Variants in CA4 observed in about 807,000 individuals in gnomAD.
CA4 encodes CA-IV.
In CA4, 24 loss-of-function variants were observed where a neutral mutation model predicts 34.5. The observed-to-expected ratio is 0.70, with a 90% CI of 0.50 to 0.98. The LOEUF (loss-of-function observed/expected upper bound fraction) is 0.98, where lower values mean the gene tolerates loss of function less well. Among genes scored for constraint, CA4 ranks in the 50% least tolerant of loss-of-function variants. CA4 has a pLI of 0.00. For synonymous variants in CA4, 178 were observed against 170.6 expected (o/e 1.04, Z -0.34); for missense variants, 394 against 396.7 (o/e 0.99, Z 0.06).
chr17:60,163,562 C>T (rs1200521653), downstream of CA4, among the ~76,000 whole-genome samples: 1 of 152,200 alleles, frequency 6.6e-6, no homozygotes, highest in Admixed American at 6.5e-5. Context: ...GTCCTAGCCG[C>T]TCTGTTTGTT....
intron 1 of CA4, among the ~76,000 whole-genome samples, chr17:60,151,047 G>A (rs1426339644): frequency 6.6e-6 from 1 of 152,216 alleles, no homozygotes; most frequent in Admixed American, 6.5e-5. Flanking sequence ...TCCTCTAGGT[G>A]GGAGGTGGCA....
intron 7 of CA4, chr17:60,158,993 G>A (rs1411542397): frequency 3.4e-6 from 2 of 581,150 alleles, no homozygotes; most frequent in African/African-American, 1.9e-5. Flanking sequence ...AGGCATTGCG[G>A]GCCCCCTGGG....
chr17:60,150,479 C>T (rs1425271899), intron 1 of CA4, among the ~76,000 whole-genome samples: 1 of 151,802 alleles, frequency 6.6e-6, no homozygotes, highest in Non-Finnish European at 1.5e-5. Context: ...TCGAGACCAG[C>T]ATGGCCAACA....
At chr17:60,167,001 T>C (rs558211986) in intron 5 of CA4, among the ~76,000 whole-genome samples, 1 of 152,052 alleles carries the variant, frequency 6.6e-6, no homozygotes, top group East Asian at 1.9e-4. Flanking sequence ...AGAGCTGAGA[T>C]TTGAACCCAG....
the CA4 span, among the ~76,000 whole-genome samples, chr17:60,176,004 CG>C: frequency 6.6e-6 from 1 of 151,896 alleles, no homozygotes; most frequent in East Asian, 2.0e-4. Flanking sequence ...TTAGTAGAGA[CG>C]GGGTTTCTCC....
At chr17:60,172,673 G>GT (rs1325258082), downstream of CA4, among the ~76,000 whole-genome samples, 1 of 150,850 alleles carries the variant, frequency 6.6e-6, no homozygotes, top group African/African-American at 2.4e-5. Context: ...GTGAAAACCC[G>GT]TCTCTACTGA....
chr17:60,162,725 C>T (rs73320946), downstream of CA4, among the ~76,000 whole-genome samples: 3,306 of 152,238 alleles, frequency 0.022, 134 homozygotes, highest in African/African-American at 0.076. Context: ...GGGTGCCCAT[C>T]GTGTTCCAGG....
chr17:60,160,338 A>T (rs902292703), downstream of CA4, among the ~76,000 whole-genome samples: 1 of 152,226 alleles, frequency 6.6e-6, no homozygotes, highest in African/African-American at 2.4e-5. Context: ...GGCACTGGGG[A>T]TATGGCAGAG....
the CA4 span, among the ~76,000 whole-genome samples, chr17:60,177,774 A>G: frequency 6.6e-6 from 1 of 152,232 alleles, no homozygotes; most frequent in African/African-American, 2.4e-5. Flanking sequence ...TCTGAGAACT[A>G]GATATTAATA....
intron 5 of CA4, among the ~76,000 whole-genome samples, chr17:60,165,065 A>G (rs2083841503): frequency 6.6e-6 from 1 of 152,170 alleles, no homozygotes; most frequent in Non-Finnish European, 1.5e-5. Context: ...ATATTCAATA[A>G]TTTATAATTA....
chr17:60,166,782 C>A (rs1354538936), intron 5 of CA4, among the ~76,000 whole-genome samples: 2 of 152,102 alleles, frequency 1.3e-5, no homozygotes, highest in Non-Finnish European at 2.9e-5. Context: ...CATGGCGAAA[C>A]CCTGTCTCTA....
chr17:60,159,100 G>A, intron 7 of CA4, 130 bp from the exon 8 acceptor site: 5 of 789,056 alleles, frequency 6.3e-6, no homozygotes, highest in East Asian at 2.7e-5. Context: ...ACCACCTTGA[G>A]AGCCAGGGGT....
rs1018572147 is a variant in CA4 at position 60,155,327 on chromosome 17, C to T, written c.72C>T (p.Cys24=). 3.1e-6 allele frequency: 5 copies of T among 1,611,580 alleles called. No homozygotes were observed. Among genetic ancestry groups the T allele is most frequent in the Non-Finnish European group, 4.2e-6 (5 of 1,178,950 alleles). Residue 24 remains cysteine (C), a synonymous_variant, in exon 2 of 8, where the codon TGC becomes TGT. Coordinates refer to ENST00000300900, the MANE Select transcript of CA4 (RefSeq NM_000717.5). ...RPSASAESHW[C]YEVQAESSNY... ...TCTCTGCTCCAGAGTCACACTGGTGCTACGAGGTTCAAGCCGAGTCCTCCA... is the reference window on the plus strand; with the variant it reads ...TCTCTGCTCCAGAGTCACACTGGTGTTACGAGGTTCAAGCCGAGTCCTCCA...
At chr17:60,169,271 C>G (rs867140040) in intron 5 of CA4, among the ~76,000 whole-genome samples, 12 of 143,872 alleles carry the variant, frequency 8.3e-5, no homozygotes, top group Middle Eastern at 6.5e-3. Context: ...AAAGCAGCAG[C>G]AGCAGCAGCA....
downstream of CA4, among the ~76,000 whole-genome samples, chr17:60,160,072 G>A (rs1420370234): frequency 4.6e-5 from 7 of 152,170 alleles, no homozygotes; most frequent in East Asian, 5.8e-4. Context: ...CCCAGGAGGC[G>A]AAGGTTGCAG....
chr17:60,155,291 C>G (rs868386985), intron 1 of CA4, 23 bp from the exon 2 acceptor site: 1 of 1,608,744 alleles, frequency 6.2e-7, no homozygotes, highest in East Asian at 2.2e-5. Context: ...ACGCACACTT[C>G]ACACCCTTCC....
downstream of CA4, among the ~76,000 whole-genome samples, chr17:60,174,958 C>T (rs1308254657): frequency 1.3e-5 from 2 of 152,106 alleles, no homozygotes; most frequent in African/African-American, 4.8e-5. Context: ...GCTGGGAGGC[C>T]GAAGACCTCT....
chr17:60,158,564 C>G (rs1267184757), intron 7 of CA4, 118 bp downstream of exon 7: 1 of 994,690 alleles, frequency 1.0e-6, no homozygotes, highest in Admixed American at 2.1e-5. Flanking sequence ...TAACTGAAGT[C>G]CGTTGTTAAT....
At chr17:60,177,966 GA>G in the CA4 span, among the ~76,000 whole-genome samples, 5 of 151,728 alleles carry the variant, frequency 3.3e-5, no homozygotes, top group Admixed American at 6.6e-5. Flanking sequence ...AAAACTACAC[GA>G]AAAAAATGCT....
Sources: gnomAD v4.1 joint callset for allele counts (sites outside exome capture counted in the v4.1 genomes callset) on GRCh38, gnomAD v4.1.1 for gene constraint, MANE v1.5 for transcripts, NCBI Gene and HGNC (gene_info 2026-07-23, HGNC 2026-07-21) for gene names.